The following SPON1 variants were observed in gnomAD, a reference collection of about 807,000 sequenced individuals.
The protein encoded by SPON1 is spondin-1.
SPON1 carries 52 observed loss-of-function variants against 111.7 expected under a neutral mutation model. That is an observed-to-expected ratio of 0.47 (90% CI 0.37 to 0.59). SPON1 has a LOEUF of 0.59. Among genes scored for constraint, SPON1 ranks in the 20% least tolerant of loss-of-function variants. SPON1 has a pLI of 0.00. For synonymous variants in SPON1, 410 were observed against 395.8 expected (o/e 1.04, Z -0.43); for missense variants, 957 against 1,068.5 (o/e 0.90, Z 1.46).
rs576085391 is a variant in SPON1, at chr11:14,161,937, T to G, written c.825+26369T>G. Among the ~76,000 whole-genome samples, 14 of 151,832 alleles carry G rather than the reference T, an allele frequency of 9.2e-5. 1 individual carries two copies. The highest frequency in any genetic ancestry group is 2.1e-4 in the Non-Finnish European group (14 of 67,900). ...GGAGGCCAAGGTGGGGCAGATCACTTGAGGTCAGGAGTTCGAGACCAGCCT... is the reference window on the plus strand; with the variant it reads ...GGAGGCCAAGGTGGGGCAGATCACTGGAGGTCAGGAGTTCGAGACCAGCCT... On this transcript the variant is annotated intron_variant, in intron 6 of 15. Transcript: ENST00000576479.
At chr11:13,971,566 C>G (rs1264870041) in intron 1 of SPON1, among the ~76,000 whole-genome samples, 1 of 152,164 alleles carries the variant, frequency 6.6e-6, no homozygotes, top group Non-Finnish European at 1.5e-5. Context: ...GGGCCCCACC[C>G]TAACAAAAGG....
chr11:13,978,338 A>T (rs1043690825), intron 1 of SPON1, among the ~76,000 whole-genome samples: 1 of 152,196 alleles, frequency 6.6e-6, no homozygotes, highest in Non-Finnish European at 1.5e-5. Context: ...CAATTTGAGG[A>T]TAATTGACAT....
intron 3 of SPON1, among the ~76,000 whole-genome samples, chr11:14,069,312 T>C (rs150649984): frequency 8.5e-5 from 13 of 152,292 alleles, no homozygotes; most frequent in African/African-American, 2.9e-4. Context: ...AACTGTTAAA[T>C]AAACAATAAA....
intron 6 of SPON1, among the ~76,000 whole-genome samples, chr11:14,153,474 A>C (rs1224869251): frequency 1.3e-5 from 2 of 152,108 alleles, no homozygotes; most frequent in African/African-American, 4.8e-5. Context: ...ACTTTTAAAC[A>C]ACCAAATCTC....
intron 7 of SPON1, among the ~76,000 whole-genome samples, chr11:14,251,800 A>G (rs1554940686): frequency 6.6e-6 from 1 of 152,204 alleles, no homozygotes; most frequent in African/African-American, 2.4e-5. Context: ...TAGGCGAGGT[A>G]ATGCCACACC....
At chr11:14,008,579 G>C (rs537330994) in intron 2 of SPON1, among the ~76,000 whole-genome samples, 1 of 152,140 alleles carries the variant, frequency 6.6e-6, no homozygotes, top group Non-Finnish European at 1.5e-5. Flanking sequence ...CCCTGGACCT[G>C]GACCAGAATT....
chr11:14,099,901 C>T (rs1554924226), intron 5 of SPON1, among the ~76,000 whole-genome samples: 1 of 151,990 alleles, frequency 6.6e-6, no homozygotes, highest in Non-Finnish European at 1.5e-5. Flanking sequence ...GAAGAGGTGC[C>T]ACACTCTTCC....
chr11:14,172,287 CTG>C (rs1384065931), intron 6 of SPON1, among the ~76,000 whole-genome samples: 1 of 151,862 alleles, frequency 6.6e-6, no homozygotes, highest in Non-Finnish European at 1.5e-5. Context: ...GGTTTAAAGT[CTG>C]TTTTATCCGA....
At chr11:14,263,313 T>C (rs1376470852) in intron 15 of SPON1, among the ~76,000 whole-genome samples, 1 of 152,198 alleles carries the variant, frequency 6.6e-6, no homozygotes, top group Admixed American at 6.5e-5. Context: ...TGTCCAACTT[T>C]GCTCAAAGTC....
At chr11:14,186,923 A>G (rs1848291699) in intron 6 of SPON1, among the ~76,000 whole-genome samples, 1 of 152,216 alleles carries the variant, frequency 6.6e-6, no homozygotes, top group Non-Finnish European at 1.5e-5. Flanking sequence ...GTTAATTGTG[A>G]GCACTGTGTA....
chr11:14,173,867 A>AG (rs1554932797), intron 6 of SPON1, among the ~76,000 whole-genome samples: 22 of 151,206 alleles, frequency 1.5e-4, no homozygotes, highest in Admixed American at 1.3e-3. Flanking sequence ...GTCTCAGAGG[A>AG]GCACCTGGCC....
Position 14,259,812 on chromosome 11 carries a change from G to T in SPON1, c.1831+111G>T. On this transcript the variant is annotated intron_variant, in intron 13 of 15. Transcript: ENST00000576479. This position sits in a 1 kb window ranked among gnomAD's most constrained non-coding sequence, Gnocchi z 5.0. ...TCGGAGGCTGAGCAGAGGAAAGCAT[G>T]GCCCATGGTCCTTGCTGGGCACTGC... 1 of 1,248,922 alleles carries T rather than the reference G, an allele frequency of 8.0e-7. No homozygotes were observed. The highest frequency in any genetic ancestry group is 1.1e-6 in the Non-Finnish European group (1 of 902,310). 77.4% of individuals were successfully genotyped at this position (1,248,922 alleles called of 1,614,324 possible). A position where few individuals can be genotyped will look rare whatever the true frequency, so the allele number is the denominator to read the frequency against.
intron 6 of SPON1, among the ~76,000 whole-genome samples, chr11:14,205,035 C>T (rs537633555): frequency 1.3e-5 from 2 of 152,316 alleles, no homozygotes; most frequent in Admixed American, 1.3e-4. Context: ...TTCCCCAGCA[C>T]ACCCAGATAA....
chr11:14,144,736 C>T (rs1176026157), intron 6 of SPON1, among the ~76,000 whole-genome samples: 1 of 151,950 alleles, frequency 6.6e-6, no homozygotes, highest in African/African-American at 2.4e-5. Context: ...GAGGAAACTT[C>T]AAAAGAGAAC....
chr11:14,155,208 T>C (rs1449160595), intron 6 of SPON1, among the ~76,000 whole-genome samples: 1 of 152,192 alleles, frequency 6.6e-6, no homozygotes, highest in African/African-American at 2.4e-5. Flanking sequence ...AGTTCCAAAG[T>C]CACTTACACA....
intron 6 of SPON1, among the ~76,000 whole-genome samples, chr11:14,167,972 A>G (rs1321949785): frequency 1.3e-5 from 2 of 152,188 alleles, no homozygotes; most frequent in African/African-American, 4.8e-5. Flanking sequence ...ACTGGACAAA[A>G]TTACATTCTC....
intron 6 of SPON1, among the ~76,000 whole-genome samples, chr11:14,155,136 T>C (rs1847828816): frequency 6.6e-6 from 1 of 152,208 alleles, no homozygotes; most frequent in Admixed American, 6.5e-5. Flanking sequence ...GTTCCAAACT[T>C]TCCCTCATCT....
intron 5 of SPON1, among the ~76,000 whole-genome samples, chr11:14,085,878 G>T (rs1849002149): frequency 1.3e-5 from 2 of 152,100 alleles, no homozygotes; most frequent in African/African-American, 4.8e-5. Context: ...CTTGTAAGTT[G>T]TATTCCTAGG....
chr11:14,206,923 G>A (rs781838606), intron 6 of SPON1, among the ~76,000 whole-genome samples: 13 of 151,934 alleles, frequency 8.6e-5, no homozygotes, highest in Non-Finnish European at 1.3e-4. Flanking sequence ...AGCCCAAATA[G>A]CAAAGGCAAT....
Sources: gnomAD v4.1 joint callset for allele counts (sites outside exome capture counted in the v4.1 genomes callset) on GRCh38, gnomAD v4.1.1 for gene constraint, Gnocchi (gnomAD v3.1) non-coding constraint, MANE v1.5 for transcripts, NCBI Gene and HGNC (gene_info 2026-07-23, HGNC 2026-07-21) for gene names.